LAMA2: variants seen among roughly 807,000 people sequenced by gnomAD.
LAMA2 encodes laminin subunit alpha 2, also known as laminin subunit alpha-2.
Under a neutral mutation model 364.8 loss-of-function variants are expected in LAMA2, and 269 were observed. That is an observed-to-expected ratio of 0.74 (90% confidence interval 0.67 to 0.82). The LOEUF is 0.82. Among genes scored for constraint, LAMA2 ranks in the 40% least tolerant of loss-of-function variants. The probability of loss-of-function intolerance (pLI) is 0.00; values close to 1 mark genes in which losing one functional copy is unlikely to be tolerated. For synonymous variants in LAMA2, 1,379 were observed against 1,370.6 expected, an observed-to-expected ratio of 1.01 and a Z score of -0.14; for missense variants, 3,807 against 3,873.2, an observed-to-expected ratio of 0.98 and a Z score of 0.45.
intron 32 of LAMA2, among the ~76,000 whole-genome samples, chr6:129,359,628 A>G (rs1185036757): frequency 6.6e-6 from 1 of 152,140 alleles, no homozygotes; most frequent in Non-Finnish European, 1.5e-5. Flanking sequence ...TAGGAGAGTT[A>G]ATTTAACATA....
intron 32 of LAMA2, among the ~76,000 whole-genome samples, chr6:129,354,034 A>T (rs1209226216): frequency 2.0e-5 from 3 of 152,220 alleles, no homozygotes; most frequent in African/African-American, 4.8e-5. Context: ...AATCCAAAAT[A>T]GGTTATTTAT....
chr6:129,194,484 G>A (rs1187026805), intron 12 of LAMA2, among the ~76,000 whole-genome samples: 2 of 152,068 alleles, frequency 1.3e-5, no homozygotes, highest in Non-Finnish European at 2.9e-5. Flanking sequence ...GTTGGTTCCC[G>A]AAGATAACTT....
chr6:129,165,813 T>A (rs1779713595), intron 9 of LAMA2, 138 bp downstream of exon 9: 2 of 678,132 alleles, frequency 2.9e-6, no homozygotes, highest in South Asian at 3.2e-5. Context: ...TGTATTAGCG[T>A]TCCCTCCAGG....
intron 34 of LAMA2, among the ~76,000 whole-genome samples, chr6:129,373,573 A>C (rs1371899496): frequency 1.3e-5 from 2 of 152,010 alleles, no homozygotes; most frequent in African/African-American, 4.8e-5. Context: ...ATGTTTTTTT[A>C]CTGTTTCAGG....
intron 1 of LAMA2, among the ~76,000 whole-genome samples, chr6:128,936,968 A>G (rs1779857529): frequency 6.6e-6 from 1 of 152,146 alleles, no homozygotes; most frequent in Admixed American, 6.5e-5. Context: ...ATACCCTAGA[A>G]AAAGGAATGG....
At chr6:129,063,675 A>G (rs1789090103) in intron 3 of LAMA2, among the ~76,000 whole-genome samples, 1 of 152,116 alleles carries the variant, frequency 6.6e-6, no homozygotes, top group South Asian at 2.1e-4. Flanking sequence ...CAAAACTAAG[A>G]ATGCGTTTAC....
At chr6:129,439,844 A>C (rs898794536) in intron 42 of LAMA2, among the ~76,000 whole-genome samples, 8 of 140,786 alleles carry the variant, frequency 5.7e-5, no homozygotes, top group African/African-American at 1.2e-4. Context: ...ATATATATAT[A>C]TATATCTATC....
intron 58 of LAMA2, among the ~76,000 whole-genome samples, chr6:129,493,936 G>A (rs1323121633): frequency 6.6e-6 from 1 of 152,094 alleles, no homozygotes; most frequent in African/African-American, 2.4e-5. Context: ...TTCACTATTA[G>A]AAACTATACT....
intron 34 of LAMA2, among the ~76,000 whole-genome samples, chr6:129,376,002 C>CT (rs1447280116): frequency 6.6e-6 from 1 of 152,158 alleles, no homozygotes; most frequent in African/African-American, 2.4e-5. Context: ...CTTTGTAAGC[C>CT]TTATCCAACT....
At chr6:129,132,222 A>G (rs1156960236) in intron 4 of LAMA2, among the ~76,000 whole-genome samples, 1 of 148,324 alleles carries the variant, frequency 6.7e-6, no homozygotes, top group Non-Finnish European at 1.5e-5. Context: ...GCTGGAGTGC[A>G]GTGGCACAAT....
chr6:129,349,049 A>C (rs1264885173), intron 30 of LAMA2, among the ~76,000 whole-genome samples: 1 of 152,166 alleles, frequency 6.6e-6, no homozygotes, highest in African/African-American at 2.4e-5. Context: ...TAAATTCCAG[A>C]ATATTAACAT....
intron 58 of LAMA2, among the ~76,000 whole-genome samples, chr6:129,500,530 C>T (rs1223952943): frequency 6.6e-6 from 1 of 152,206 alleles, no homozygotes; most frequent in East Asian, 1.9e-4. Context: ...GGATCTAATC[C>T]AGGAGGTGTT....
At chr6:129,310,529 T>C (rs1774152713) in intron 22 of LAMA2, among the ~76,000 whole-genome samples, 1 of 152,134 alleles carries the variant, frequency 6.6e-6, no homozygotes, top group Non-Finnish European at 1.5e-5. Context: ...ATACACCATA[T>C]GGTGGCAAAC....
chr6:128,975,673 A>G (rs1003648090), intron 1 of LAMA2, among the ~76,000 whole-genome samples: 12 of 152,228 alleles, frequency 7.9e-5, no homozygotes, highest in African/African-American at 2.6e-4. Flanking sequence ...CATGATAGTG[A>G]ATAAGTCTCA....
rs1421575170 is a variant in LAMA2 at position 128,910,700 on chromosome 6, G to A, written c.112+27343G>A. Among the ~76,000 whole-genome samples, 6 of 152,266 alleles carry A rather than the reference G, an allele frequency of 3.9e-5. No homozygotes were observed. The East Asian group carries it at 9.7e-4, about 25-fold the overall frequency. ...GGTGAGGAACTGCGTTCCTTTGGAGGAGGAGAGGCGCTCTGCTTTTTAGAG... is the reference window on the plus strand; with the variant it reads ...GGTGAGGAACTGCGTTCCTTTGGAGAAGGAGAGGCGCTCTGCTTTTTAGAG... On this transcript the variant is annotated intron_variant, in intron 1 of 64. Transcript: ENST00000421865.
intron 4 of LAMA2, among the ~76,000 whole-genome samples, chr6:129,137,602 C>G (rs1247668910): frequency 2.0e-5 from 3 of 151,678 alleles, no homozygotes; most frequent in African/African-American, 7.3e-5. Flanking sequence ...GATGAACAGT[C>G]AATAAATGGA....
In LAMA2 at chr6:129,512,771, G is replaced by A. The variant is rs79693992; in HGVS notation, c.8988+278G>A. Among the ~76,000 whole-genome samples, 1,305 of 152,214 alleles carry A rather than the reference G, an allele frequency of 8.6e-3. 14 individuals are homozygous for A. Among genetic ancestry groups the A allele is most frequent in the African/African-American group, 0.03 (1,231 of 41,528 alleles). On this transcript the variant is annotated intron_variant, in intron 63 of 64. Coordinates refer to ENST00000421865, the MANE Select transcript of LAMA2 (RefSeq NM_000426.4). ...TAGTTTGAGATCTCGAGTTCTTACT[G>A]TGTTGCTATAAACACACTCTTATTC... is the stretch of plus-strand genomic sequence containing the variant.
chr6:129,236,299 T>A lies in LAMA2; in HGVS notation c.1783-13813T>A, dbSNP rs781612563. Among the ~76,000 whole-genome samples, 131 of 152,272 alleles carry A rather than the reference T, an allele frequency of 8.6e-4. 3 individuals carry two copies. The highest frequency in any genetic ancestry group is 2.6e-4 in the Non-Finnish European group (18 of 68,004). On this transcript the variant is annotated intron_variant, in intron 12 of 64. Transcript: ENST00000421865. The stretch of plus-strand genomic sequence containing the variant: ...ACTCAACTGAGACATAATCTCAGCT[T>A]TTTTCACTTTCATATTCTATATTTT...
intron 37 of LAMA2, among the ~76,000 whole-genome samples, chr6:129,399,722 T>G (rs1218602047): frequency 6.6e-6 from 1 of 152,148 alleles, no homozygotes; most frequent in African/African-American, 2.4e-5. Context: ...TGGGAATATC[T>G]GCAAGTGCAA....
Sources: allele counts gnomAD v4.1 joint callset (sites outside exome capture counted in the v4.1 genomes callset), GRCh38; gene constraint gnomAD v4.1.1; transcripts MANE v1.5; gene names NCBI Gene and HGNC (gene_info 2026-07-23, HGNC 2026-07-21).